PKP4: variants seen among roughly 807,000 people sequenced by gnomAD.
PKP4 encodes the protein plakophilin 4, also known as plakophilin-4.
In PKP4, 90 loss-of-function variants were observed where a neutral mutation model predicts 145.1. The ratio of observed to expected loss-of-function variants is 0.62; its 90% confidence interval spans 0.52 to 0.74. The LOEUF is 0.74. Ranked by LOEUF, PKP4 falls within the 30% of genes least tolerant of loss-of-function variation. PKP4 has a pLI of 0.00. For missense variants in PKP4, 1,340 were observed against 1,482.7 expected, an observed-to-expected ratio of 0.90 and a Z score of 1.58; for synonymous variants, 563 against 577.2, an observed-to-expected ratio of 0.98 and a Z score of 0.35.
At chr2:158,630,110 A>G (rs1424803166) in intron 7 of PKP4, among the ~76,000 whole-genome samples, 1 of 152,210 alleles carries the variant, frequency 6.6e-6, no homozygotes, top group Non-Finnish European at 1.5e-5. Flanking sequence ...GACTGGCTTC[A>G]GATATGTTTG....
chr2:158,499,516 T>C (rs1696242845), intron 1 of PKP4, among the ~76,000 whole-genome samples: 1 of 152,220 alleles, frequency 6.6e-6, no homozygotes, highest in South Asian at 2.1e-4. Flanking sequence ...TTAACACATG[T>C]CTGCATTTGA....
intron 2 of PKP4, among the ~76,000 whole-genome samples, chr2:158,576,805 C>A (rs1484286817): frequency 2.2e-5 from 2 of 90,164 alleles, no homozygotes. Context: ...CATTTTTTTT[C>A]TTAATTAAAA....
intron 15 of PKP4, among the ~76,000 whole-genome samples, chr2:158,664,554 G>T (rs2056903950): frequency 6.6e-6 from 1 of 152,188 alleles, no homozygotes; most frequent in African/African-American, 2.4e-5. Context: ...AGAATCTTTT[G>T]GTGATGGTGT....
At chr2:158,618,699 G>A (rs1481249420) in intron 4 of PKP4, among the ~76,000 whole-genome samples, 2 of 151,822 alleles carry the variant, frequency 1.3e-5, no homozygotes, top group African/African-American at 4.8e-5. Flanking sequence ...CACAATTTCT[G>A]AGCTACAATT....
intron 8 of PKP4, 40 bp downstream of exon 8, chr2:158,631,981 G>A: frequency 6.4e-7 from 1 of 1,567,264 alleles, no homozygotes; most frequent in Non-Finnish European, 8.8e-7. Flanking sequence ...TGATTTCATA[G>A]GCCCCACAGT....
chr2:158,532,903 T>A (rs982474073), intron 1 of PKP4, among the ~76,000 whole-genome samples: 1 of 152,242 alleles, frequency 6.6e-6, no homozygotes, highest in Non-Finnish European at 1.5e-5. Context: ...AAAACATTCT[T>A]CTCATGTCAG....
intron 11 of PKP4, among the ~76,000 whole-genome samples, chr2:158,655,407 C>CA (rs111670268): frequency 0.12 from 18,067 of 150,426 alleles, 1,112 homozygotes; most frequent in Middle Eastern, 0.18. Context: ...ACAGAAACAA[C>CA]AAAAAAAAAC....
At chr2:158,543,808 AG>A (rs1235008652) in intron 2 of PKP4, among the ~76,000 whole-genome samples, 3 of 152,186 alleles carry the variant, frequency 2.0e-5, no homozygotes. Context: ...CTGAGAGACC[AG>A]GGTAGTTCTC....
intron 4 of PKP4, among the ~76,000 whole-genome samples, chr2:158,604,178 G>A (rs920178208): frequency 2.6e-5 from 4 of 152,192 alleles, no homozygotes; most frequent in Non-Finnish European, 5.9e-5. Flanking sequence ...CATCTGAGAT[G>A]GCAGAGGAGA....
intron 11 of PKP4, among the ~76,000 whole-genome samples, chr2:158,643,747 G>T (rs1320104532): frequency 2.7e-5 from 4 of 150,574 alleles, no homozygotes; most frequent in Non-Finnish European, 5.9e-5. Flanking sequence ...AACAAGGCCA[G>T]AGAGAGATAG....
intron 3 of PKP4, among the ~76,000 whole-genome samples, chr2:158,585,402 C>T (rs1238241004): frequency 6.6e-6 from 1 of 152,204 alleles, no homozygotes; most frequent in African/African-American, 2.4e-5. Context: ...TGATTCCCCA[C>T]TGCCATTCAG....
At chr2:158,586,990 C>G (rs138580261) in intron 3 of PKP4, among the ~76,000 whole-genome samples, 10 of 152,174 alleles carry the variant, frequency 6.6e-5, no homozygotes, top group African/African-American at 1.9e-4. Context: ...AACAATATAT[C>G]TTTTATGAGT....
At chr2:158,551,647 G>A (rs1236945669) in intron 2 of PKP4, among the ~76,000 whole-genome samples, 1 of 152,122 alleles carries the variant, frequency 6.6e-6, no homozygotes, top group African/African-American at 2.4e-5. Flanking sequence ...TTATGCAGAA[G>A]TATTTTTTAA....
intron 4 of PKP4, among the ~76,000 whole-genome samples, chr2:158,615,637 A>G (rs146914382): frequency 2.1e-3 from 314 of 152,288 alleles, no homozygotes; most frequent in Admixed American, 3.5e-3. Flanking sequence ...CAGAATTTAT[A>G]TATGACCAGG....
chr2:158,480,591 T>A (rs982021303), intron 1 of PKP4, among the ~76,000 whole-genome samples: 14 of 151,948 alleles, frequency 9.2e-5, no homozygotes, highest in African/African-American at 3.1e-4. Flanking sequence ...AAATGATTTA[T>A]TAAAATGGCC....
At chr2:158,482,959 A>G (rs1025406143) in intron 1 of PKP4, among the ~76,000 whole-genome samples, 4 of 152,202 alleles carry the variant, frequency 2.6e-5, no homozygotes, top group Admixed American at 2.6e-4. Flanking sequence ...ACACAGGCCA[A>G]TTGGTTATTT....
intron 4 of PKP4, among the ~76,000 whole-genome samples, chr2:158,614,778 TTC>T (rs1485172637): frequency 2.6e-5 from 4 of 152,178 alleles, no homozygotes; most frequent in African/African-American, 9.7e-5. Context: ...TATTTAAACT[TTC>T]TCATGCTTTT....
At chr2:158,513,532 TTTC>T (rs2041691853) in intron 1 of PKP4, among the ~76,000 whole-genome samples, 1 of 152,154 alleles carries the variant, frequency 6.6e-6, no homozygotes, top group Admixed American at 6.5e-5. Flanking sequence ...ATGTTGGAGA[TTTC>T]TTCTTTTTGA....
chr2:158,467,705 C>T (rs886659799), intron 1 of PKP4, among the ~76,000 whole-genome samples: 7 of 151,784 alleles, frequency 4.6e-5, no homozygotes, highest in African/African-American at 9.7e-5. Flanking sequence ...AAATTAGCTG[C>T]GTGCGATGGC....
Sources: allele counts gnomAD v4.1 joint callset (sites outside exome capture counted in the v4.1 genomes callset), GRCh38; gene constraint gnomAD v4.1.1; transcripts MANE v1.5; gene names NCBI Gene and HGNC (gene_info 2026-07-23, HGNC 2026-07-21).